The following SEC23B variants were observed in gnomAD, a reference collection of about 807,000 sequenced individuals.
The protein encoded by SEC23B is SEC23 homolog B, COPII component, also known as protein transport protein Sec23B.
In SEC23B, 77 loss-of-function variants were observed where a neutral mutation model predicts 104.3. The observed-to-expected ratio is 0.74, with a 90% CI of 0.61 to 0.89. SEC23B has a LOEUF of 0.89. Ranked by LOEUF, SEC23B falls within the 40% of genes least tolerant of loss-of-function variation. The pLI is 0.00. For missense variants in SEC23B, 885 were observed against 949.4 expected (o/e 0.93, Z 0.89); for synonymous variants, 338 against 332.5 (o/e 1.02, Z -0.18).
At chr20:18,525,110 T>C in intron 6 of SEC23B, 90 bp downstream of exon 6, 1 of 1,156,170 alleles carries the variant, frequency 8.6e-7, no homozygotes. Context: ...AGAATTTGTA[T>C]TTTCTTATTA....
intron 3 of SEC23B, among the ~76,000 whole-genome samples, chr20:18,514,499 CT>C (rs2060007969): frequency 6.6e-6 from 1 of 152,174 alleles, no homozygotes; most frequent in African/African-American, 2.4e-5. Flanking sequence ...TGCCTGTCAG[CT>C]CCTCAGCAGC....
At position 18,535,639 on chromosome 20, in the gene SEC23B, C is replaced by T. The variant is rs1372134429; in HGVS notation, c.1315-14C>T. 6.2e-7 allele frequency: 1 copy of T among 1,612,238 alleles called. No individual in the cohort carries two copies. The highest frequency in any genetic ancestry group is 2.2e-5 in the East Asian group (1 of 44,852). On this transcript the variant is annotated splice_polypyrimidine_tract_variant and intron_variant, in intron 11 of 19. Transcript: ENST00000650089. Reference sequence around the variant, plus strand: ...TTCTGGTTTTGTTTTTCAAATTCCTCTTCCCACCCCCAGGAGCTTGGTGTT... The same window carrying T: ...TTCTGGTTTTGTTTTTCAAATTCCTTTTCCCACCCCCAGGAGCTTGGTGTT...
At chr20:18,517,546 C>T (rs1203591503) in intron 4 of SEC23B, among the ~76,000 whole-genome samples, 1 of 152,116 alleles carries the variant, frequency 6.6e-6, no homozygotes, top group Non-Finnish European at 1.5e-5. Flanking sequence ...GTTCAGAGGC[C>T]TGACATTCCT....
intron 4 of SEC23B, among the ~76,000 whole-genome samples, chr20:18,519,205 A>T (rs919822658): frequency 3.9e-5 from 6 of 152,178 alleles, no homozygotes; most frequent in Non-Finnish European, 8.8e-5. Flanking sequence ...AGTGAATGTC[A>T]GGTGGATCAG....
At chr20:18,544,277 C>T (rs867892570) in intron 14 of SEC23B, among the ~76,000 whole-genome samples, 27 of 147,786 alleles carry the variant, frequency 1.8e-4, no homozygotes, top group African/African-American at 6.4e-4. Context: ...CCTCTATTTG[C>T]CCTTGCCATC....
intron 19 of SEC23B, among the ~76,000 whole-genome samples, 162 bp downstream of exon 19, chr20:18,555,335 A>G (rs2060426664): frequency 6.6e-6 from 1 of 151,856 alleles, no homozygotes; most frequent in Non-Finnish European, 1.5e-5. Flanking sequence ...GTTGAATAAC[A>G]TTACTGGGCC....
chr20:18,554,956 GTGCAGTAAAACAATTCTAATTAGAT>G, intron 18 of SEC23B, 127 bp from the exon 19 acceptor site: 29 of 90,330 alleles, frequency 3.2e-4, no homozygotes, highest in Middle Eastern at 2.6e-3. Context: ...ATAGATTACT[GTGCAGTAAAACAATTCTAATTAGAT>G]TACTGTGCAG....
chr20:18,527,518 G>A lies in SEC23B; in HGVS notation c.1016G>A (p.Arg339Gln), dbSNP rs1450370467. ...ATKHYEMLAN[R>Q]TAANGHCIDI... ...CAGCACTATGAGATGCTTGCTAATC[G>A]AACAGCTGCAAATGGTCACTGCATT... is the stretch of plus-strand genomic sequence containing the variant. Residue 339 changes from arginine to glutamine, a missense_variant, in exon 9 of 20, where the codon CGA (arginine) becomes CAA (glutamine). Arg to Gln is a conservative substitution (Grantham distance 43, BLOSUM62 1). Transcript: ENST00000650089. The A allele has an allele frequency of 3.1e-6, 5 of 1,611,640 alleles. No homozygotes were observed. The highest frequency in any genetic ancestry group is 1.7e-5 in the Admixed American group (1 of 60,010).
At chr20:18,513,478 A>G (rs1195777338) in intron 3 of SEC23B, among the ~76,000 whole-genome samples, 4 of 152,250 alleles carry the variant, frequency 2.6e-5, no homozygotes, top group South Asian at 2.1e-4. Context: ...TGTTGCGTAA[A>G]CTATACCTCA....
intron 3 of SEC23B, among the ~76,000 whole-genome samples, chr20:18,512,825 G>T (rs1334260990): frequency 1.3e-5 from 2 of 152,188 alleles, no homozygotes; most frequent in Non-Finnish European, 2.9e-5. Flanking sequence ...GCCGAGGTGG[G>T]TGGATCATGA....
intron 19 of SEC23B, among the ~76,000 whole-genome samples, chr20:18,557,159 G>A (rs1424315040): frequency 6.6e-6 from 1 of 152,084 alleles, no homozygotes; most frequent in Non-Finnish European, 1.5e-5. Context: ...TTTGTTTTCT[G>A]CTTTTCTTTT....
chr20:18,539,105 C>T (rs1382328333), intron 12 of SEC23B, among the ~76,000 whole-genome samples: 1 of 150,578 alleles, frequency 6.6e-6, no homozygotes, highest in African/African-American at 2.4e-5. Flanking sequence ...CCCAGCTACT[C>T]AGGAGGCTGA....
chr20:18,543,319 A>C (rs1396368639), intron 14 of SEC23B, 147 bp downstream of exon 14: 5 of 1,012,018 alleles, frequency 4.9e-6, no homozygotes, highest in South Asian at 4.1e-5. Context: ...ATTCTGTTAA[A>C]GACGTGTTAA....
intron 6 of SEC23B, 42 bp from the exon 7 acceptor site, chr20:18,525,746 C>G (rs751320721): frequency 1.1e-5 from 17 of 1,610,718 alleles, no homozygotes; most frequent in East Asian, 2.2e-5. Flanking sequence ...GACCAGAGTA[C>G]TTTATTCAAT....
intron 11 of SEC23B, among the ~76,000 whole-genome samples, chr20:18,533,588 C>T (rs1231761012): frequency 6.6e-6 from 1 of 152,148 alleles, no homozygotes. Flanking sequence ...TGAGTTGGTT[C>T]AGGTGAAGCA....
At chr20:18,519,877 G>A (rs117707341) in intron 4 of SEC23B, among the ~76,000 whole-genome samples, 2,797 of 152,004 alleles carry the variant, frequency 0.018, 36 homozygotes, top group Non-Finnish European at 0.029. Flanking sequence ...GGGAGAGCAC[G>A]GGTGTTTTCA....
At chr20:18,516,557 T>C (rs6045444) in intron 4 of SEC23B, among the ~76,000 whole-genome samples, 18,519 of 149,678 alleles carry the variant, frequency 0.12, 1,238 homozygotes, top group Admixed American at 0.18. Context: ...TTTTCTTTTT[T>C]TTTTTTTCTT....
intron 14 of SEC23B, among the ~76,000 whole-genome samples, chr20:18,545,560 T>A (rs1013608804): frequency 4.6e-5 from 7 of 152,168 alleles, no homozygotes; most frequent in Non-Finnish European, 8.8e-5. Flanking sequence ...AGTCTGCCAT[T>A]GGGAGAAATA....
intron 10 of SEC23B, among the ~76,000 whole-genome samples, chr20:18,532,375 A>C (rs1192629064): frequency 6.6e-6 from 1 of 152,240 alleles, no homozygotes; most frequent in Non-Finnish European, 1.5e-5. Flanking sequence ...AGAATGTAGT[A>C]TTGTTAGAAT....
Sources: allele counts gnomAD v4.1 joint callset (sites outside exome capture counted in the v4.1 genomes callset), GRCh38; gene constraint gnomAD v4.1.1; transcripts MANE v1.5; gene names NCBI Gene and HGNC (gene_info 2026-07-23, HGNC 2026-07-21).